Variants in CNTNAP5 observed in about 807,000 individuals in gnomAD.
The protein encoded by CNTNAP5 is contactin associated protein family member 5, also known as contactin-associated protein-like 5.
In CNTNAP5, 72 loss-of-function variants were observed where a neutral mutation model predicts 150.2. That is an observed-to-expected ratio of 0.48 (90% CI 0.40 to 0.58). CNTNAP5 has a LOEUF of 0.58. Among genes scored for constraint, CNTNAP5 ranks in the 20% least tolerant of loss-of-function variants. The pLI, the probability that CNTNAP5 is intolerant of heterozygous loss-of-function variation, is 0.00. For missense variants in CNTNAP5, 1,636 were observed against 1,626.2 expected (o/e 1.01, Z -0.10); for synonymous variants, 672 against 619.8 (o/e 1.08, Z -1.25).
chr2:124,321,181 C>T (rs1320535153), intron 3 of CNTNAP5, among the ~76,000 whole-genome samples: 2 of 152,106 alleles, frequency 1.3e-5, no homozygotes, highest in African/African-American at 2.4e-5. Context: ...GGCGCGGTGG[C>T]CTGTAATCCC....
chr2:124,510,293 CTA>C (rs1176912394), intron 8 of CNTNAP5, among the ~76,000 whole-genome samples: 1 of 22,104 alleles, frequency 4.5e-5, no homozygotes, highest in Non-Finnish European at 1.1e-4. Flanking sequence ...ATCTATATAT[CTA>C]TATATCTATA....
chr2:124,495,328 A>AT (rs1694118569), intron 7 of CNTNAP5, among the ~76,000 whole-genome samples: 1 of 152,204 alleles, frequency 6.6e-6, no homozygotes, highest in Non-Finnish European at 1.5e-5. Flanking sequence ...CAAAAGGAGT[A>AT]TTAATATTTT....
At chr2:124,163,852 CA>C (rs1369773003) in intron 1 of CNTNAP5, among the ~76,000 whole-genome samples, 2 of 91,588 alleles carry the variant, frequency 2.2e-5, no homozygotes, top group African/African-American at 7.8e-5. Flanking sequence ...ATTGCTTCTG[CA>C]TGCCTCTAAG....
intron 7 of CNTNAP5, among the ~76,000 whole-genome samples, chr2:124,503,760 T>C (rs933839401): frequency 2.6e-5 from 4 of 152,180 alleles, no homozygotes; most frequent in African/African-American, 7.2e-5. Flanking sequence ...TGGAATTTCA[T>C]AGGGATGCTG....
In CNTNAP5 at chr2:124,527,429, A is replaced by G. The variant is rs1694998783; in HGVS notation, c.1622A>G (p.His541Arg). The change falls in exon 10 of 24, where the codon CAC becomes CGC. Residue 541 changes from histidine (H) to arginine (R), a missense_variant. Coordinates refer to ENST00000682447, the MANE Select transcript of CNTNAP5 (RefSeq NM_001367498.1). ...TCCCTGGGGAATTTTAGTGATTTAC[A>G]CATTGATCTGTGTAGCATCAAAGAC... is the stretch of plus-strand genomic sequence containing the variant. The part of the protein sequence containing the change: ...QGSLGNFSDL[H>R]IDLCSIKDRC... 1.2e-6 allele frequency: 2 copies of G among 1,613,684 alleles called. No individual in the cohort carries two copies. The highest frequency in any genetic ancestry group is 4.5e-5 in the East Asian group (2 of 44,868).
chr2:124,851,385 C>A (rs1357121976), intron 19 of CNTNAP5, among the ~76,000 whole-genome samples: 3 of 152,098 alleles, frequency 2.0e-5, no homozygotes, highest in Non-Finnish European at 4.4e-5. Flanking sequence ...CAGAAGTTTC[C>A]TTTTAGATAC....
chr2:124,098,627 TA>T (rs982610698), intron 1 of CNTNAP5, among the ~76,000 whole-genome samples: 12 of 151,670 alleles, frequency 7.9e-5, no homozygotes, highest in African/African-American at 2.9e-4. Flanking sequence ...GAGGCACAGG[TA>T]AAAAAAATTC....
intron 21 of CNTNAP5, among the ~76,000 whole-genome samples, chr2:124,873,307 A>T (rs1364339156): frequency 6.6e-6 from 1 of 152,076 alleles, no homozygotes; most frequent in Non-Finnish European, 1.5e-5. Context: ...ATTCAGGAGA[A>T]ATCCTCCCTC....
chr2:124,710,427 T>C (rs568194484), intron 13 of CNTNAP5, among the ~76,000 whole-genome samples: 8 of 152,244 alleles, frequency 5.3e-5, no homozygotes, highest in East Asian at 1.9e-4. Context: ...CAACCTGTAA[T>C]AGAAAACCAA....
chr2:124,356,470 A>G (rs1573937556), intron 3 of CNTNAP5, among the ~76,000 whole-genome samples: 1 of 68,838 alleles, frequency 1.5e-5, no homozygotes, highest in Admixed American at 2.2e-4. Flanking sequence ...CCCCCACCCC[A>G]CCACAGTCCC....
chr2:124,813,883 C>A (rs2104661086), intron 19 of CNTNAP5, among the ~76,000 whole-genome samples: 1 of 151,968 alleles, frequency 6.6e-6, no homozygotes. Context: ...CTTTGGCTAT[C>A]TTTGTTCTGG....
intron 2 of CNTNAP5, among the ~76,000 whole-genome samples, chr2:124,225,251 A>T (rs1269065973): frequency 6.6e-6 from 1 of 152,084 alleles, no homozygotes; most frequent in African/African-American, 2.4e-5. Context: ...CCAATTCTAT[A>T]CTCACAACTA....
At chr2:124,250,462 T>C (rs1294516813) in intron 3 of CNTNAP5, among the ~76,000 whole-genome samples, 2 of 152,046 alleles carry the variant, frequency 1.3e-5, no homozygotes, top group African/African-American at 4.8e-5. Context: ...GGACACTGGC[T>C]CTCAGGGTCT....
intron 3 of CNTNAP5, among the ~76,000 whole-genome samples, chr2:124,317,186 A>T (rs1573912013): frequency 6.6e-6 from 1 of 152,296 alleles, no homozygotes; most frequent in East Asian, 1.9e-4. Context: ...GGGCAGACTT[A>T]CCTTTAGATT....
intron 1 of CNTNAP5, among the ~76,000 whole-genome samples, chr2:124,045,166 A>C (rs530158210): frequency 4.5e-4 from 69 of 152,266 alleles, no homozygotes; most frequent in African/African-American, 1.6e-3. Flanking sequence ...CTCAGGGAAA[A>C]AGCAAACAAG....
chr2:124,340,343 G>C (rs1442865322), intron 3 of CNTNAP5, among the ~76,000 whole-genome samples: 1 of 152,144 alleles, frequency 6.6e-6, no homozygotes, highest in Non-Finnish European at 1.5e-5. Flanking sequence ...ACATACAAAG[G>C]ATAAGACTCA....
At chr2:124,618,754 C>T (rs1677542256) in intron 12 of CNTNAP5, among the ~76,000 whole-genome samples, 1 of 152,122 alleles carries the variant, frequency 6.6e-6, no homozygotes, top group African/African-American at 2.4e-5. Context: ...GCTTAAAGGA[C>T]TGACCAAAAA....
chr2:124,808,201 T>A (rs1245196880), intron 19 of CNTNAP5, among the ~76,000 whole-genome samples: 1 of 152,176 alleles, frequency 6.6e-6, no homozygotes. Flanking sequence ...CTCCCCAGGA[T>A]TTTTTATTTT....
chr2:124,472,363 G>A (rs575660038), intron 6 of CNTNAP5, among the ~76,000 whole-genome samples: 62 of 152,064 alleles, frequency 4.1e-4, no homozygotes, highest in Non-Finnish European at 5.2e-4. Context: ...CTAGTGTTAT[G>A]TATAGCTGAG....
Sources: gnomAD v4.1 joint callset for allele counts (sites outside exome capture counted in the v4.1 genomes callset) on GRCh38, gnomAD v4.1.1 for gene constraint, MANE v1.5 for transcripts, NCBI Gene and HGNC (gene_info 2026-07-23, HGNC 2026-07-21) for gene names.